The following RIT2 variants were observed in gnomAD, a reference collection of about 807,000 sequenced individuals.
The protein encoded by RIT2 is Ras like without CAAX 2.
In RIT2, 24 loss-of-function variants were observed where a neutral mutation model predicts 23.7. The observed-to-expected ratio is 1.01, with a 90% CI of 0.73 to 1.43. RIT2 has a LOEUF of 1.43. Ranked by LOEUF, RIT2 falls within the 40% of genes most tolerant of loss-of-function variation. The pLI, the probability that RIT2 is intolerant of heterozygous loss-of-function variation, is 0.00. For synonymous variants in RIT2, 107 were observed against 91.1 expected, an observed-to-expected ratio of 1.17 and a Z score of -0.99; for missense variants, 236 against 266.9, an observed-to-expected ratio of 0.88 and a Z score of 0.81.
At chr18:42,986,527 C>T (rs565380929) in intron 2 of RIT2, among the ~76,000 whole-genome samples, 6 of 151,100 alleles carry the variant, frequency 4.0e-5, no homozygotes, top group East Asian at 2.0e-4. Flanking sequence ...TTTGAGATGG[C>T]GTCTTGCTTT....
intron 4 of RIT2, among the ~76,000 whole-genome samples, chr18:42,863,007 G>C (rs4890241): frequency 0.14 from 20,547 of 150,798 alleles, 1,416 homozygotes; most frequent in Middle Eastern, 0.26. Context: ...CCCACAGATA[G>C]CAATTTGGGA....
Position 43,057,798 on chromosome 18 carries a change from C to CTT in RIT2, c.104-23933_104-23932dup, listed in dbSNP as rs11393575. 3.1e-3 allele frequency among the ~76,000 whole-genome samples: 376 copies of CTT among 122,658 alleles called. 19 individuals carry two copies. Among genetic ancestry groups the CTT allele is most frequent in the African/African-American group, 6.9e-3 (229 of 32,966 alleles). The allele number at this position is 122,658 out of a possible 152,430, so 80.5% of individuals were successfully genotyped here. A position where few individuals can be genotyped will look rare whatever the true frequency, so the allele number is the denominator to read the frequency against. Reference sequence around the variant, plus strand: ...GAGCTAATCTTCCAAGTGATGGACACTTTTTTTTTTTTTTTTTATCATCTA... The same window carrying CTT: ...GAGCTAATCTTCCAAGTGATGGACACTTTTTTTTTTTTTTTTTTTATCATCTA... On this transcript the variant is annotated intron_variant, in intron 1 of 4. Coordinates refer to ENST00000326695, the MANE Select transcript of RIT2 (RefSeq NM_002930.4).
At chr18:43,012,112 G>T (rs1277733921) in intron 2 of RIT2, among the ~76,000 whole-genome samples, 1 of 151,664 alleles carries the variant, frequency 6.6e-6, no homozygotes, top group African/African-American at 2.4e-5. Flanking sequence ...TTGTGAAAGG[G>T]GTTAATAATA....
rs114594621 is a variant in RIT2 at position 43,088,782 on chromosome 18, C to A, written c.103+26635G>T. On this transcript the variant is annotated intron_variant, in intron 1 of 4. Transcript: ENST00000326695. ...GTGAATTAACTGAATCCATAGCTAC[C>A]AACCAAGGGGGACCTTATTGGAACA... 6.7e-3 allele frequency among the ~76,000 whole-genome samples: 1,012 copies of A among 152,130 alleles called. 13 individuals are homozygous for A. Among genetic ancestry groups the A allele is most frequent in the African/African-American group, 0.023 (955 of 41,508 alleles).
rs115764431 is a variant in RIT2 at position 42,940,977 on chromosome 18, A to G, written c.235-17214T>C. Reference sequence around the variant, plus strand: ...ATAAACAAAGGTCCCATTTATTCCTAGTTGATATCTTGGAAAATTGTGTTT... The same window carrying G: ...ATAAACAAAGGTCCCATTTATTCCTGGTTGATATCTTGGAAAATTGTGTTT... On this transcript the variant is annotated intron_variant, in intron 3 of 4. Transcript: ENST00000326695. Among the ~76,000 whole-genome samples the G allele has an allele frequency of 5.8e-3, 885 of 152,244 alleles. 8 individuals carry two copies. The highest frequency in any genetic ancestry group is 0.019 in the African/African-American group (772 of 41,570).
chr18:42,828,269 AATT>A (rs1451373581), intron 4 of RIT2, among the ~76,000 whole-genome samples: 5 of 152,320 alleles, frequency 3.3e-5, no homozygotes, highest in East Asian at 1.9e-4. Flanking sequence ...TATTCAGTGA[AATT>A]ATTATCAAAC....
Position 42,902,278 on chromosome 18 carries a change from A to G in RIT2, c.426+21294T>C, listed in dbSNP as rs77586385. Among the ~76,000 whole-genome samples, 599 of 151,922 alleles carry G rather than the reference A, an allele frequency of 3.9e-3. 5 individuals are homozygous for G. Among genetic ancestry groups the G allele is most frequent in the African/African-American group, 0.014 (574 of 41,532 alleles). ...AAAGGAGACGTTCAGAACTACTGGT[A>G]TTTATGTTTCTTGCCTATAACATTT... On this transcript the variant is annotated intron_variant, in intron 4 of 4. Coordinates refer to ENST00000326695, the MANE Select transcript of RIT2 (RefSeq NM_002930.4).
At chr18:42,921,875 G>A (rs1265039289) in intron 4 of RIT2, among the ~76,000 whole-genome samples, 2 of 152,090 alleles carry the variant, frequency 1.3e-5, no homozygotes, top group Non-Finnish European at 2.9e-5. Context: ...CTTCAGAGGA[G>A]TATAGGAAAG....
intron 4 of RIT2, among the ~76,000 whole-genome samples, chr18:42,810,060 A>T (rs1384229673): frequency 6.8e-6 from 1 of 146,040 alleles, no homozygotes; most frequent in Non-Finnish European, 1.5e-5. Context: ...TATATATGTT[A>T]TATATATGTT....
chr18:42,988,223 A>C (rs1228282471), intron 2 of RIT2, among the ~76,000 whole-genome samples: 2 of 152,188 alleles, frequency 1.3e-5, no homozygotes, highest in African/African-American at 4.8e-5. Flanking sequence ...CTTTAAAAAA[A>C]AAGTTTTAAA....
intron 4 of RIT2, among the ~76,000 whole-genome samples, chr18:42,780,900 T>A (rs978624654): frequency 2.6e-5 from 4 of 151,932 alleles, no homozygotes; most frequent in African/African-American, 9.7e-5. Flanking sequence ...TATTTTTGGT[T>A]CACACATTCA....
At chr18:42,802,253 T>C (rs1050705822) in intron 4 of RIT2, among the ~76,000 whole-genome samples, 8 of 152,216 alleles carry the variant, frequency 5.3e-5, no homozygotes, top group Admixed American at 3.3e-4. Flanking sequence ...TTGAGATTTT[T>C]ATCTGTAAAC....
chr18:42,835,757 G>T (rs924598711), intron 4 of RIT2, among the ~76,000 whole-genome samples: 25 of 151,742 alleles, frequency 1.6e-4, no homozygotes, highest in Non-Finnish European at 2.9e-4. Flanking sequence ...AAATAAATAG[G>T]TATAAATTAA....
chr18:42,930,345 G>C (rs1598719349), intron 3 of RIT2, among the ~76,000 whole-genome samples: 1 of 151,752 alleles, frequency 6.6e-6, no homozygotes, highest in Non-Finnish European at 1.5e-5. Flanking sequence ...AAAGAAAAGG[G>C]GGGAAATCCT....
At chr18:42,823,919 A>G (rs147719222) in intron 4 of RIT2, among the ~76,000 whole-genome samples, 45 of 152,248 alleles carry the variant, frequency 3.0e-4, no homozygotes, top group African/African-American at 1.0e-3. Flanking sequence ...TTGAACAAGC[A>G]TGTGTTCAAC....
chr18:42,786,593 G>C (rs577689914), intron 4 of RIT2, among the ~76,000 whole-genome samples: 2 of 152,150 alleles, frequency 1.3e-5, no homozygotes, highest in African/African-American at 4.8e-5. Context: ...GGAGCAGTTT[G>C]GCAATTAATT....
chr18:43,084,035 CA>C (rs1913221351), intron 1 of RIT2, among the ~76,000 whole-genome samples: 1 of 151,870 alleles, frequency 6.6e-6, no homozygotes, highest in African/African-American at 2.4e-5. Flanking sequence ...AATAAATTTC[CA>C]AAAAATGCCC....
chr18:42,755,760 A>G (rs1379656285), intron 4 of RIT2, among the ~76,000 whole-genome samples: 1 of 152,186 alleles, frequency 6.6e-6, no homozygotes, highest in Admixed American at 6.5e-5. Flanking sequence ...AGCTGAGGCT[A>G]CAATAAACAG....
intron 4 of RIT2, among the ~76,000 whole-genome samples, chr18:42,838,263 G>T (rs1906670900): frequency 6.6e-6 from 1 of 152,098 alleles, no homozygotes; most frequent in South Asian, 2.1e-4. Flanking sequence ...CCGCAAGAAA[G>T]AGTAAGGTTT....
Sources: gnomAD v4.1 joint callset for allele counts (sites outside exome capture counted in the v4.1 genomes callset) on GRCh38, gnomAD v4.1.1 for gene constraint, MANE v1.5 for transcripts, NCBI Gene and HGNC (gene_info 2026-07-23, HGNC 2026-07-21) for gene names.